TEX36: variants seen among roughly 807,000 people sequenced by gnomAD.
TEX36 encodes testis expressed 36.
TEX36 carries 12 observed loss-of-function variants against 13.6 expected under a neutral mutation model. The ratio of observed to expected loss-of-function variants is 0.88; its 90% CI spans 0.56 to 1.43. The LOEUF (loss-of-function observed/expected upper bound fraction) is 1.43. TEX36 is among the 40% of genes most tolerant of loss of function. The probability of loss-of-function intolerance (pLI) is 0.00; values close to 1 mark genes in which losing one functional copy is unlikely to be tolerated. For missense variants in TEX36, 224 were observed against 228.3 expected (o/e 0.98, Z 0.12); for synonymous variants, 93 against 83.0 (o/e 1.12, Z -0.65).
chr10:125,586,633 TCCAA>T (rs1845953635), intron 3 of TEX36, among the ~76,000 whole-genome samples: 1 of 77,444 alleles, frequency 1.3e-5, no homozygotes, highest in Non-Finnish European at 2.4e-5. Context: ...CTACTAAAAA[TCCAA>T]AAAAAAAAAA....
At chr10:125,662,394 G>A (rs180887790) in intron 1 of TEX36, among the ~76,000 whole-genome samples, 41 of 152,252 alleles carry the variant, frequency 2.7e-4, no homozygotes, top group Middle Eastern at 3.4e-3. Flanking sequence ...CAGCAATGTA[G>A]GTATGAGGTG....
chr10:125,609,046 C>T (rs1739961679), intron 3 of TEX36, among the ~76,000 whole-genome samples: 1 of 149,420 alleles, frequency 6.7e-6, no homozygotes, highest in Non-Finnish European at 1.5e-5. Context: ...GTGGCGTGCA[C>T]CTGTAATCCC....
intron 1 of TEX36, chr10:125,667,650 T>G: frequency 1.4e-6 from 1 of 719,920 alleles, no homozygotes. Context: ...ACACCACCCT[T>G]GGACATGACA....
chr10:125,640,103 G>C (rs920538897), intron 3 of TEX36: 2 of 961,720 alleles, frequency 2.1e-6, no homozygotes, highest in Non-Finnish European at 2.5e-6. Context: ...AATGAGCAAA[G>C]TTGTTTTTTC....
rs182529137 is a variant in TEX36 at position 125,667,350 on chromosome 10, G to T, written c.52-5373C>A. Reference sequence around the variant, plus strand: ...ACCTTCTTGGTCACACACTGGCAGTGCTTCAAGTCATGGTCCCCATTAGGG... The same window carrying T: ...ACCTTCTTGGTCACACACTGGCAGTTCTTCAAGTCATGGTCCCCATTAGGG... On this transcript the variant is annotated intron_variant, in intron 1 of 3. Coordinates refer to ENST00000368821, the MANE Select transcript of TEX36 (RefSeq NM_001128202.3). The T allele has an allele frequency of 9.8e-4, 630 of 645,968 alleles. 5 individuals are homozygous for T. The African/African-American group carries it at 0.01, about 11-fold the overall frequency. The allele number at this position is 645,968 out of a possible 1,614,324, so 40.0% of individuals were successfully genotyped here.
rs186253131 is a variant in TEX36, at chr10:125,605,315, G to A, written c.265-28441C>T. Among the ~76,000 whole-genome samples, 41 of 150,380 alleles carry A rather than the reference G, an allele frequency of 2.7e-4. No homozygotes were observed. In the East Asian group the frequency reaches 5.6e-3, roughly 21 times the overall value. ...ACAGCATAGTGCAGCAATGTGGTCA[G>A]TTATTCTCCACACGCAGCATAGTGC... On this transcript the variant is annotated intron_variant, in intron 3 of 3. Coordinates refer to the TEX36 transcript ENST00000532135.
At chr10:125,603,775 C>T (rs562537009) in intron 3 of TEX36, among the ~76,000 whole-genome samples, 32 of 152,206 alleles carry the variant, frequency 2.1e-4, no homozygotes, top group Admixed American at 8.5e-4. Flanking sequence ...CCTCCCCTCC[C>T]CACCCAACTC....
At chr10:125,633,475 C>T (rs1001606864) in intron 3 of TEX36, among the ~76,000 whole-genome samples, 1 of 152,136 alleles carries the variant, frequency 6.6e-6, no homozygotes, top group Non-Finnish European at 1.5e-5. Flanking sequence ...TAAAAACATT[C>T]CATTGTAAAA....
chr10:125,662,759 G>A (rs886513370), intron 1 of TEX36, among the ~76,000 whole-genome samples: 1 of 152,110 alleles, frequency 6.6e-6, no homozygotes, highest in African/African-American at 2.4e-5. Context: ...CCCAGAAGAA[G>A]GCGTGACCCT....
At chr10:125,596,798 T>C (rs1846085509) in intron 3 of TEX36, among the ~76,000 whole-genome samples, 1 of 152,194 alleles carries the variant, frequency 6.6e-6, no homozygotes, top group Non-Finnish European at 1.5e-5. Flanking sequence ...AAGCCAGCTG[T>C]TCTTTATGGA....
chr10:125,633,065 G>A (rs539412632), intron 3 of TEX36, among the ~76,000 whole-genome samples: 8 of 152,092 alleles, frequency 5.3e-5, no homozygotes, highest in East Asian at 3.9e-4. Context: ...TAGAGGTTGC[G>A]GTCAGCCGAG....
At chr10:125,626,293 C>T (rs905052906) in intron 3 of TEX36, among the ~76,000 whole-genome samples, 1 of 152,152 alleles carries the variant, frequency 6.6e-6, no homozygotes, top group Non-Finnish European at 1.5e-5. Context: ...AGTCGGCTCC[C>T]CATTCAGCCT....
intron 3 of TEX36, among the ~76,000 whole-genome samples, chr10:125,592,036 T>C (rs1471912460): frequency 1.3e-5 from 2 of 152,224 alleles, no homozygotes; most frequent in Non-Finnish European, 2.9e-5. Context: ...GTGCTTATTG[T>C]TCCTCCTTGT....
chr10:125,673,214 T>C (rs533659864), intron 1 of TEX36, among the ~76,000 whole-genome samples: 15 of 152,236 alleles, frequency 9.9e-5, no homozygotes, highest in Non-Finnish European at 1.9e-4. Flanking sequence ...AGTTTCTTCA[T>C]AGTGTCATTG....
At chr10:125,682,840 C>T in intron 1 of TEX36, 99 bp downstream of exon 1, 31 of 1,334,002 alleles carry the variant, frequency 2.3e-5, no homozygotes, top group Non-Finnish European at 3.3e-5. Flanking sequence ...TGTCAAAGGT[C>T]ATGCTTCAGT....
downstream of TEX36, among the ~76,000 whole-genome samples, chr10:125,651,446 GC>G (rs748420228): frequency 5.9e-5 from 9 of 152,088 alleles, no homozygotes; most frequent in Non-Finnish European, 1.2e-4. Context: ...AAATTCAACA[GC>G]CCTTCATGCT....
At position 125,661,893 on chromosome 10, in the gene TEX36, G is replaced by A. The variant is rs1051324928; in HGVS notation, c.136C>T (p.Arg46Trp). The A allele has an allele frequency of 1.1e-5, 17 of 1,552,062 alleles. No individual in the cohort carries two copies. Among genetic ancestry groups the A allele is most frequent in the Non-Finnish European group, 1.5e-5 (17 of 1,147,100 alleles). The change falls in exon 2 of 4, where the codon CGG becomes TGG. Residue 46 changes from arginine (R) to tryptophan (W), a missense_variant. By Grantham distance (101) the Arg-to-Trp change is moderately radical (BLOSUM62 -3). Transcript: ENST00000368821. ...SKEPQSPHLP[R>W]QAEGKLPPIY... ...GGCGGCAGCTTCCCCTCCGCTTGCC[G>A]AGGCAAGTGTGGACTCTGGGGCTCT...
chr10:125,672,430 T>A (rs1589788060), intron 1 of TEX36, among the ~76,000 whole-genome samples: 1 of 152,224 alleles, frequency 6.6e-6, no homozygotes, highest in South Asian at 2.1e-4. Flanking sequence ...TTCCATGTAG[T>A]TGTGTGGTTT....
rs191947873 is a variant in TEX36 at position 125,661,930 on chromosome 10, A to G, written c.99T>C (p.Ser33=). The change falls in exon 2 of 4, where the codon AGT becomes AGC. Residue 33 remains serine, a synonymous_variant. Coordinates refer to ENST00000368821, the MANE Select transcript of TEX36 (RefSeq NM_001128202.3). The part of the protein sequence containing the change: ...LTQKTPESIT[S]ATSKEPQSPH... ...GACTCTGGGGCTCTTTTGACGTAGC[A>G]CTGGTGATGGATTCTGGTGTCTTTT... The G allele has an allele frequency of 2.6e-6, 4 of 1,552,322 alleles. No individual in the cohort carries two copies. Among genetic ancestry groups the G allele is most frequent in the Non-Finnish European group, 3.5e-6 (4 of 1,147,136 alleles).
Sources: gnomAD v4.1 joint callset for allele counts (sites outside exome capture counted in the v4.1 genomes callset) on GRCh38, gnomAD v4.1.1 for gene constraint, MANE v1.5 for transcripts, NCBI Gene and HGNC (gene_info 2026-07-23, HGNC 2026-07-21) for gene names.